ZRANB3: variants seen among roughly 807,000 people sequenced by gnomAD.
ZRANB3 encodes the protein zinc finger RANBP2-type containing 3, also known as DNA annealing helicase and endonuclease ZRANB3.
In ZRANB3, 125 loss-of-function variants were observed where a neutral mutation model predicts 133.8. That is an observed-to-expected ratio of 0.93 (90% confidence interval 0.81 to 1.08). ZRANB3 has a LOEUF of 1.08. ZRANB3 is among the 50% of genes least tolerant of loss of function. The pLI is 0.00. For missense variants in ZRANB3, 1,229 were observed against 1,275.5 expected (o/e 0.96, Z 0.56); for synonymous variants, 387 against 432.7 (o/e 0.89, Z 1.31).
intron 6 of ZRANB3, among the ~76,000 whole-genome samples, chr2:135,328,502 G>C (rs2104843687): frequency 6.6e-6 from 1 of 152,208 alleles, no homozygotes; most frequent in Admixed American, 6.5e-5. Context: ...TTGCTATTGT[G>C]AATAGTGCCA....
At chr2:135,438,526 T>C (rs1455286168) in intron 2 of ZRANB3, among the ~76,000 whole-genome samples, 3 of 146,342 alleles carry the variant, frequency 2.0e-5, no homozygotes, top group African/African-American at 5.1e-5. Context: ...AAAAAAAAAA[T>C]TGTTAATTGT....
At chr2:135,309,674 C>CA (rs1425786632) in intron 8 of ZRANB3, among the ~76,000 whole-genome samples, 1 of 152,010 alleles carries the variant, frequency 6.6e-6, no homozygotes. Context: ...ATAAATCTAA[C>CA]AAAATGTATT....
chr2:135,448,346 A>T (rs1690122751), intron 2 of ZRANB3, among the ~76,000 whole-genome samples: 1 of 152,334 alleles, frequency 6.6e-6, no homozygotes, highest in East Asian at 1.9e-4. Context: ...CATTTATCTG[A>T]ACAGCCGCTA....
At chr2:135,318,523 G>C (rs1683367731) in intron 6 of ZRANB3, among the ~76,000 whole-genome samples, 1 of 152,112 alleles carries the variant, frequency 6.6e-6, no homozygotes, top group Non-Finnish European at 1.5e-5. Context: ...AAGTCTCAGA[G>C]TAATATGTTG....
chr2:135,226,829 CA>C, intron 14 of ZRANB3, among the ~76,000 whole-genome samples: 1 of 128,790 alleles, frequency 7.8e-6, no homozygotes, highest in African/African-American at 2.9e-5. Flanking sequence ...ACTAGAGACA[CA>C]AAAGAGTATA....
rs544918220 is a variant in ZRANB3, at chr2:135,279,907, T to G, written c.967-4152A>C. ...ATACCAAAACATCAAAAGTAACAAATGAACTTTTGGGATTCTCTTAGGTTC... is the reference window on the plus strand; with the variant it reads ...ATACCAAAACATCAAAAGTAACAAAGGAACTTTTGGGATTCTCTTAGGTTC... On this transcript the variant is annotated intron_variant, in intron 8 of 20. Transcript: ENST00000264159. Among the ~76,000 whole-genome samples the G allele has an allele frequency of 2.2e-4, 33 of 152,342 alleles. No individual in the cohort carries two copies. In the South Asian group the frequency reaches 5.8e-3, roughly 27 times the overall value.
At position 135,332,548 on chromosome 2, in the gene ZRANB3, T is replaced by C. The variant is rs113860943; in HGVS notation, c.677+13002A>G. ...TATTCTGGTCACCCTTTTCCAGATA[T>C]GTTTTCATTTGTTAAAATGCTTCTT... On this transcript the variant is annotated intron_variant, in intron 6 of 20. Transcript: ENST00000264159. 1.0e-3 allele frequency among the ~76,000 whole-genome samples: 158 copies of C among 152,300 alleles called. 1 individual carries two copies. Among genetic ancestry groups the C allele is most frequent in the African/African-American group, 3.7e-3 (152 of 41,588 alleles).
chr2:135,229,609 C>T (rs1351974337), intron 13 of ZRANB3, among the ~76,000 whole-genome samples: 23 of 152,054 alleles, frequency 1.5e-4, no homozygotes, highest in East Asian at 1.4e-3. Context: ...CCTCGTGATC[C>T]GCCCGCCTCG....
chr2:135,346,888 A>G (rs576294792), intron 5 of ZRANB3, among the ~76,000 whole-genome samples: 109 of 152,294 alleles, frequency 7.2e-4, no homozygotes, highest in African/African-American at 2.4e-3. Flanking sequence ...GACTAATTCT[A>G]TAATATTTTT....
At chr2:135,221,011 C>A (rs1245333544) in intron 15 of ZRANB3, among the ~76,000 whole-genome samples, 1 of 151,912 alleles carries the variant, frequency 6.6e-6, no homozygotes, top group Non-Finnish European at 1.5e-5. Context: ...TGCCTGCCAC[C>A]ATGCCCAGAT....
chr2:135,297,223 A>T (rs57106790), intron 8 of ZRANB3, among the ~76,000 whole-genome samples: 5 of 152,146 alleles, frequency 3.3e-5, no homozygotes, highest in African/African-American at 1.2e-4. Flanking sequence ...GGTGGGCTCC[A>T]CCGAGTTCGA....
intron 2 of ZRANB3, among the ~76,000 whole-genome samples, chr2:135,439,551 C>G (rs1376004165): frequency 6.6e-6 from 1 of 152,198 alleles, no homozygotes; most frequent in Non-Finnish European, 1.5e-5. Context: ...TCACCTCCCC[C>G]TTCATTTTCA....
intron 3 of ZRANB3, among the ~76,000 whole-genome samples, chr2:135,361,008 T>C (rs1253431353): frequency 6.6e-6 from 1 of 152,196 alleles, no homozygotes; most frequent in Non-Finnish European, 1.5e-5. Context: ...CTTGAACTCC[T>C]GGCTCAACCA....
At chr2:135,391,099 T>A (rs1687212677) in intron 2 of ZRANB3, among the ~76,000 whole-genome samples, 1 of 152,202 alleles carries the variant, frequency 6.6e-6, no homozygotes, top group Admixed American at 6.5e-5. Context: ...GACCTCGTGA[T>A]CTGCTCGCCT....
chr2:135,402,527 C>A (rs181389958), intron 2 of ZRANB3, among the ~76,000 whole-genome samples: 1 of 151,886 alleles, frequency 6.6e-6, no homozygotes, highest in African/African-American at 2.4e-5. Flanking sequence ...ATCTCCTGAC[C>A]TCATGATCCA....
rs201816935 is a variant in ZRANB3, at chr2:135,367,594, AT to A, written c.181-13967del. ...AATAAAGATCTAGAACCTAAAAAAA[AT>A]AAATAAATAAATAAACCACCCCATT... is the stretch of plus-strand genomic sequence containing the variant. On this transcript the variant is annotated intron_variant, in intron 3 of 20. Coordinates refer to ENST00000264159, the MANE Select transcript of ZRANB3 (RefSeq NM_032143.4). 4.6e-5 allele frequency among the ~76,000 whole-genome samples: 7 copies of A among 152,208 alleles called. No individual in the cohort carries two copies. In the South Asian group the frequency reaches 6.2e-4, roughly 14 times the overall value.
chr2:135,329,887 T>A (rs1684048211), intron 6 of ZRANB3, among the ~76,000 whole-genome samples: 2 of 152,220 alleles, frequency 1.3e-5, no homozygotes, highest in South Asian at 2.1e-4. Context: ...AGGCTTGTGA[T>A]TTTTGCACAT....
intron 2 of ZRANB3, among the ~76,000 whole-genome samples, chr2:135,478,392 G>A (rs1691598603): frequency 1.3e-5 from 2 of 151,880 alleles, no homozygotes; most frequent in African/African-American, 2.4e-5. Context: ...GCACCCCCCC[G>A]AAGCCTCTCT....
intron 11 of ZRANB3, 135 bp from the exon 12 acceptor site, chr2:135,265,821 T>C: frequency 2.1e-6 from 2 of 936,544 alleles, no homozygotes; most frequent in South Asian, 2.0e-5. Flanking sequence ...TCATGGGCTT[T>C]AGTAATATAA....
Sources: gnomAD v4.1 joint callset for allele counts (sites outside exome capture counted in the v4.1 genomes callset) on GRCh38, gnomAD v4.1.1 for gene constraint, MANE v1.5 for transcripts, NCBI Gene and HGNC (gene_info 2026-07-23, HGNC 2026-07-21) for gene names.